KCNH8: variants seen among roughly 807,000 people sequenced by gnomAD.
KCNH8 encodes potassium voltage-gated channel subfamily H member 8.
KCNH8 carries 70 observed loss-of-function variants against 103.6 expected under a neutral mutation model. The ratio of observed to expected loss-of-function variants is 0.68; its 90% CI spans 0.56 to 0.82. The LOEUF is 0.82. Ranked by LOEUF, KCNH8 falls within the 40% of genes least tolerant of loss-of-function variation. KCNH8 has a pLI of 0.00. For synonymous variants in KCNH8, 498 were observed against 489.4 expected, an observed-to-expected ratio of 1.02 and a Z score of -0.23; for missense variants, 1,217 against 1,329.9, an observed-to-expected ratio of 0.92 and a Z score of 1.32.
In KCNH8 at chr3:19,339,726, T is replaced by A. The variant is rs190112571; in HGVS notation, c.443-2861T>A. On this transcript the variant is annotated intron_variant, in intron 3 of 15. Transcript: ENST00000328405. The stretch of plus-strand genomic sequence containing the variant: ...CAAAGGTGAATGCTTTTTTTAAAAG[T>A]AACATTCAGTTAGACTTTTGCGGTG... Among the ~76,000 whole-genome samples the A allele has an allele frequency of 2.6e-4, 40 of 152,250 alleles. 1 individual carries two copies. The highest frequency in any genetic ancestry group is 2.4e-3 in the Admixed American group (36 of 15,266).
intron 1 of KCNH8, among the ~76,000 whole-genome samples, chr3:19,239,794 T>G (rs890946086): frequency 1.3e-5 from 2 of 152,122 alleles, no homozygotes; most frequent in African/African-American, 4.8e-5. Context: ...AAAATTAAAT[T>G]TATTTAACCT....
chr3:19,393,124 C>A (rs571082420), intron 6 of KCNH8, among the ~76,000 whole-genome samples: 40 of 152,022 alleles, frequency 2.6e-4, no homozygotes, highest in African/African-American at 8.9e-4. Context: ...GATGAATGCA[C>A]CTGTCTATGA....
At chr3:19,355,420 A>G (rs2065866966) in intron 5 of KCNH8, among the ~76,000 whole-genome samples, 1 of 152,226 alleles carries the variant, frequency 6.6e-6, no homozygotes, top group African/African-American at 2.4e-5. Flanking sequence ...GCTGCTATAA[A>G]GACACATGCA....
intron 12 of KCNH8, 111 bp downstream of exon 12, chr3:19,510,512 A>G (rs1559364985): frequency 1.4e-6 from 1 of 735,696 alleles, no homozygotes; most frequent in East Asian, 2.7e-5. Flanking sequence ...TACTTTCCCT[A>G]CTTGACTTCC....
chr3:19,504,592 A>G (rs2068654811), intron 11 of KCNH8, among the ~76,000 whole-genome samples: 1 of 152,192 alleles, frequency 6.6e-6, no homozygotes, highest in South Asian at 2.1e-4. Context: ...GCTCAATATC[A>G]CTGATCATTA....
chr3:19,289,810 G>T lies in KCNH8; in HGVS notation c.442+8481G>T, dbSNP rs1461805546. On this transcript the variant is annotated intron_variant, in intron 3 of 15. Transcript: ENST00000328405. ...AGTCATTGGTATCTTGATGTGGATGGCACTGAATCTATAAATTACCTTGGG... is the reference window on the plus strand; with the variant it reads ...AGTCATTGGTATCTTGATGTGGATGTCACTGAATCTATAAATTACCTTGGG... Among the ~76,000 whole-genome samples the T allele has an allele frequency of 1.3e-4, 20 of 152,060 alleles. 1 individual carries two copies. The highest frequency in any genetic ancestry group is 1.2e-3 in the Admixed American group (19 of 15,264).
intron 11 of KCNH8, among the ~76,000 whole-genome samples, chr3:19,487,819 A>C (rs2068241429): frequency 6.6e-6 from 1 of 152,184 alleles, no homozygotes; most frequent in South Asian, 2.1e-4. Flanking sequence ...TTCCCAGCAA[A>C]GGCAAGGGAC....
At chr3:19,251,537 G>C (rs1210949096) in intron 1 of KCNH8, among the ~76,000 whole-genome samples, 1 of 151,996 alleles carries the variant, frequency 6.6e-6, no homozygotes, top group African/African-American at 2.4e-5. Context: ...GCCGATGGTG[G>C]ACTATGTTTG....
rs868152787 is a variant in KCNH8, at chr3:19,308,705, T to C, written c.442+27376T>C. 7.4e-3 allele frequency among the ~76,000 whole-genome samples: 340 copies of C among 46,096 alleles called. 3 individuals are homozygous for C. The highest frequency in any genetic ancestry group is 0.011 in the African/African-American group (98 of 8,702). 30.2% of individuals were successfully genotyped at this position (46,096 alleles called of 152,430 possible). A position where few individuals can be genotyped will look rare whatever the true frequency, so the allele number is the denominator to read the frequency against. ...CTCTCTCTCTCTCTCTCTCTCTCTCTCTCTCTCTCTCTCCCCCTCTCTCCC... is the reference window on the plus strand; with the variant it reads ...CTCTCTCTCTCTCTCTCTCTCTCTCCCTCTCTCTCTCTCCCCCTCTCTCCC... On this transcript the variant is annotated intron_variant, in intron 3 of 15. Transcript: ENST00000328405.
At chr3:19,266,282 C>T (rs536619885) in intron 2 of KCNH8, among the ~76,000 whole-genome samples, 1 of 152,186 alleles carries the variant, frequency 6.6e-6, no homozygotes, top group South Asian at 2.1e-4. Flanking sequence ...CCCATGTCAG[C>T]ACATCCCAGA....
At chr3:19,382,899 T>C (rs1017238932) in intron 5 of KCNH8, among the ~76,000 whole-genome samples, 1 of 152,150 alleles carries the variant, frequency 6.6e-6, no homozygotes, top group African/African-American at 2.4e-5. Context: ...AGAGCCTTTG[T>C]ACAGAGGGCA....
chr3:19,375,953 C>A lies in KCNH8; in HGVS notation c.812-14528C>A, dbSNP rs566944937. 5.9e-5 allele frequency among the ~76,000 whole-genome samples: 9 copies of A among 152,268 alleles called. No individual in the cohort carries two copies. In the South Asian group the frequency reaches 6.2e-4, roughly 11 times the overall value. On this transcript the variant is annotated intron_variant, in intron 5 of 15. Transcript: ENST00000328405. ...GACCCACTTGAGGAGGCAGTCTGCCCGTTCTCAGATCTCCAGCTGTGTGCT... is the reference window on the plus strand; with the variant it reads ...GACCCACTTGAGGAGGCAGTCTGCCAGTTCTCAGATCTCCAGCTGTGTGCT...
At chr3:19,178,105 A>C (rs935737802) in intron 1 of KCNH8, among the ~76,000 whole-genome samples, 1 of 152,138 alleles carries the variant, frequency 6.6e-6, no homozygotes, top group Admixed American at 6.5e-5. Flanking sequence ...AAGTAAATGC[A>C]GTAATTGGGT....
At chr3:19,285,790 C>T (rs150843303) in intron 3 of KCNH8, among the ~76,000 whole-genome samples, 1 of 152,010 alleles carries the variant, frequency 6.6e-6, no homozygotes, top group Non-Finnish European at 1.5e-5. Context: ...CTCACTTGCC[C>T]TCGGCAAAGT....
chr3:19,503,375 C>T (rs1464250992), intron 11 of KCNH8, among the ~76,000 whole-genome samples: 2 of 152,158 alleles, frequency 1.3e-5, no homozygotes, highest in East Asian at 3.8e-4. Context: ...TGTGGCGATT[C>T]CTCAGGGGTC....
intron 7 of KCNH8, among the ~76,000 whole-genome samples, chr3:19,414,594 A>C (rs1214514681): frequency 6.6e-6 from 1 of 152,044 alleles, no homozygotes; most frequent in Non-Finnish European, 1.5e-5. Flanking sequence ...CACACACAAA[A>C]GGATTGAAAA....
intron 7 of KCNH8, among the ~76,000 whole-genome samples, chr3:19,435,867 A>G (rs2067191576): frequency 6.6e-6 from 1 of 152,244 alleles, no homozygotes; most frequent in Non-Finnish European, 1.5e-5. Context: ...CAAAGTTTTT[A>G]GGAACACATC....
intron 3 of KCNH8, among the ~76,000 whole-genome samples, chr3:19,322,953 T>C (rs2065369579): frequency 6.6e-6 from 1 of 152,164 alleles, no homozygotes; most frequent in South Asian, 2.1e-4. Context: ...AGCTCTGAAG[T>C]TCTTTCTTCT....
chr3:19,193,107 CA>C (rs1297521587), intron 1 of KCNH8, among the ~76,000 whole-genome samples: 1 of 151,646 alleles, frequency 6.6e-6, no homozygotes, highest in East Asian at 1.9e-4. Flanking sequence ...TGATCCCATT[CA>C]AGAATTATTT....
Sources: gnomAD v4.1 joint callset for allele counts (sites outside exome capture counted in the v4.1 genomes callset) on GRCh38, gnomAD v4.1.1 for gene constraint, MANE v1.5 for transcripts, NCBI Gene and HGNC (gene_info 2026-07-23, HGNC 2026-07-21) for gene names.